ADAM20: variants seen among roughly 807,000 people sequenced by gnomAD.
The protein encoded by ADAM20 is disintegrin and metalloproteinase domain-containing protein 20.
For synonymous variants in ADAM20, 305 were observed against 310.2 expected (o/e 0.98, Z 0.18); for missense variants, 871 against 883.2 (o/e 0.99, Z 0.18).
the ADAM20 span, among the ~76,000 whole-genome samples, chr14:70,559,004 T>C: frequency 7.9e-5 from 12 of 152,200 alleles, no homozygotes; most frequent in African/African-American, 2.7e-4. Flanking sequence ...ACTCATTCTA[T>C]TGATGATCTC....
At chr14:70,554,873 G>A in the ADAM20 span, among the ~76,000 whole-genome samples, 1 of 152,152 alleles carries the variant, frequency 6.6e-6, no homozygotes, top group Non-Finnish European at 1.5e-5. Flanking sequence ...AGGAACGAAG[G>A]GATTTATTGA....
In ADAM20 at chr14:70,524,780, C is replaced by A. The variant is rs1340109542; in HGVS notation, c.-23G>T. 1 of 1,613,692 alleles carries A rather than the reference C, an allele frequency of 6.2e-7. No individual in the cohort carries two copies. The highest frequency in any genetic ancestry group is 8.5e-7 in the Non-Finnish European group (1 of 1,179,940). On this transcript the variant is annotated 5_prime_UTR_variant, in exon 2 of 2. The change abolishes an upstream ATG in the 5' untranslated region. Coordinates refer to ENST00000256389, the MANE Select transcript of ADAM20 (RefSeq NM_003814.5). The stretch of plus-strand genomic sequence containing the variant: ...CATTATGAAGCTGTCATTATGGAGC[C>A]ATCTGTCTAGAGCAGAAGAGAACAA...
chr14:70,579,147 A>G, the ADAM20 span, among the ~76,000 whole-genome samples: 2 of 152,170 alleles, frequency 1.3e-5, no homozygotes, highest in African/African-American at 4.8e-5. Flanking sequence ...CAATAAACAT[A>G]CAAGTGCAGG....
chr14:70,528,764 A>G (rs960763331), intron 1 of ADAM20, among the ~76,000 whole-genome samples: 1 of 152,228 alleles, frequency 6.6e-6, no homozygotes, highest in Non-Finnish European at 1.5e-5. Context: ...ACAGGCTGAT[A>G]GATGGCCACA....
At chr14:70,553,664 A>G in the ADAM20 span, among the ~76,000 whole-genome samples, 94 of 152,146 alleles carry the variant, frequency 6.2e-4, no homozygotes, top group African/African-American at 2.1e-3. Flanking sequence ...GTGGTACATC[A>G]TATCAACAGA....
At chr14:70,542,693 C>T in the ADAM20 span, among the ~76,000 whole-genome samples, 1 of 152,206 alleles carries the variant, frequency 6.6e-6, no homozygotes, top group Non-Finnish European at 1.5e-5. Flanking sequence ...AATCCCAGCA[C>T]TTTGGGAGGC....
intron 1 of ADAM20, among the ~76,000 whole-genome samples, chr14:70,526,508 C>A (rs1192584691): frequency 6.6e-6 from 1 of 152,086 alleles, no homozygotes; most frequent in African/African-American, 2.4e-5. Context: ...GAGTTTGGAA[C>A]ATTAAGATGG....
At chr14:70,558,637 T>C in the ADAM20 span, among the ~76,000 whole-genome samples, 9 of 152,158 alleles carry the variant, frequency 5.9e-5, no homozygotes, top group East Asian at 1.7e-3. Context: ...GTGTGCACAG[T>C]GTTCTTGGAA....
At position 70,522,634 on chromosome 14, in the gene ADAM20, AAAT is replaced by A. The variant is rs751789159; in HGVS notation, c.2121_2123del (p.Leu707del). ...GTTTCTTAAAAAGCACATGTAAGCA[AAAT>A]AATAAAAAAGCAACCAAAGGAAGAA... On this transcript the variant is annotated inframe_deletion, in exon 2 of 2. Transcript: ENST00000256389. 5.6e-6 allele frequency: 9 copies of A among 1,613,672 alleles called. No individual in the cohort carries two copies. Among genetic ancestry groups the A allele is most frequent in the Non-Finnish European group, 7.6e-6 (9 of 1,179,858 alleles).
chr14:70,525,733 A>G (rs1883575550), intron 1 of ADAM20, among the ~76,000 whole-genome samples: 1 of 152,160 alleles, frequency 6.6e-6, no homozygotes, highest in Non-Finnish European at 1.5e-5. Context: ...ATAGTCAAAA[A>G]AGCCCCACTA....
upstream of ADAM20, among the ~76,000 whole-genome samples, chr14:70,539,765 A>G (rs541282563): frequency 4.4e-4 from 67 of 152,302 alleles, no homozygotes; most frequent in South Asian, 0.013. Context: ...ATGTTATGTT[A>G]AAGAATTACT....
At chr14:70,525,327 C>T (rs756993039) in intron 1 of ADAM20, among the ~76,000 whole-genome samples, 1 of 152,246 alleles carries the variant, frequency 6.6e-6, no homozygotes, top group East Asian at 1.9e-4. Flanking sequence ...GATCCTCCCA[C>T]CTTAGCCTCC....
At chr14:70,538,626 G>A (rs1217613603), upstream of ADAM20, among the ~76,000 whole-genome samples, 1 of 152,156 alleles carries the variant, frequency 6.6e-6, no homozygotes, top group African/African-American at 2.4e-5. Flanking sequence ...GACTTCTGGT[G>A]TCCTGGGACT....
the ADAM20 span, among the ~76,000 whole-genome samples, chr14:70,576,294 C>T: frequency 6.6e-6 from 1 of 152,144 alleles, no homozygotes; most frequent in African/African-American, 2.4e-5. Flanking sequence ...GGCATAACAG[C>T]TTCTGCAGAC....
chr14:70,538,999 T>C (rs909831038), upstream of ADAM20, among the ~76,000 whole-genome samples: 13 of 152,194 alleles, frequency 8.5e-5, no homozygotes, highest in Non-Finnish European at 1.8e-4. Flanking sequence ...AAATAAAAGA[T>C]GAAATGCTCC....
the ADAM20 span, among the ~76,000 whole-genome samples, chr14:70,567,201 A>G: frequency 2.6e-5 from 4 of 152,140 alleles, no homozygotes; most frequent in Admixed American, 6.5e-5. Context: ...ACTGGTGTAG[A>G]TACCTAGTGG....
intron 1 of ADAM20, among the ~76,000 whole-genome samples, chr14:70,533,945 T>C (rs1883771174): frequency 6.6e-6 from 1 of 151,454 alleles, no homozygotes; most frequent in Non-Finnish European, 1.5e-5. Flanking sequence ...TAGCCAGGCA[T>C]GGTGGTGGGC....
chr14:70,566,689 T>C, the ADAM20 span, among the ~76,000 whole-genome samples: 1 of 152,074 alleles, frequency 6.6e-6, no homozygotes, highest in Admixed American at 6.5e-5. Context: ...GCAGAAAAAG[T>C]AGGCGGGAGG....
At chr14:70,543,176 C>A in the ADAM20 span, among the ~76,000 whole-genome samples, 1 of 152,132 alleles carries the variant, frequency 6.6e-6, no homozygotes, top group Non-Finnish European at 1.5e-5. Flanking sequence ...CATTCCAATA[C>A]CCCCTACCTC....
Sources: gnomAD v4.1 joint callset for allele counts (sites outside exome capture counted in the v4.1 genomes callset) on GRCh38, gnomAD v4.1.1 for gene constraint, MANE v1.5 for transcripts, NCBI Gene and HGNC (gene_info 2026-07-23, HGNC 2026-07-21) for gene names.